FSCN2: variants seen among roughly 807,000 people sequenced by gnomAD.
FSCN2 encodes the protein fascin actin-bundling protein 2, retinal.
A neutral mutation model predicts 37.8 loss-of-function variants in FSCN2; 46 were observed. The ratio of observed to expected loss-of-function variants is 1.22; its 90% CI spans 0.96 to 1.56. FSCN2 has a LOEUF of 1.56. Ranked by LOEUF, FSCN2 falls within the 40% of genes most tolerant of loss-of-function variation. FSCN2 has a pLI of 0.00. For synonymous variants in FSCN2, 351 were observed against 309.4 expected (o/e 1.13, Z -1.41); for missense variants, 844 against 730.4 (o/e 1.16, Z -1.79).
At chr17:81,515,905 C>T in the FSCN2 span, among the ~76,000 whole-genome samples, 3 of 152,386 alleles carry the variant, frequency 2.0e-5, no homozygotes, top group East Asian at 3.9e-4. Flanking sequence ...AGCGCAGTGG[C>T]GCGATCTTGG....
intron 1 of FSCN2, among the ~76,000 whole-genome samples, chr17:81,531,314 G>A (rs2032561466): frequency 8.2e-6 from 1 of 121,996 alleles, no homozygotes; most frequent in African/African-American, 3.4e-5. Context: ...TGGTGGTGGT[G>A]GTGATGATGG....
In FSCN2 at chr17:81,536,643, T is replaced by G; in HGVS notation, c.1127T>G (p.Leu376Arg). The G allele has an allele frequency of 6.2e-7, 1 of 1,610,526 alleles. No individual in the cohort carries two copies. The highest frequency in any genetic ancestry group is 8.5e-7 in the Non-Finnish European group (1 of 1,179,640). ...CCAGGCAAGGACGAAGAGTTCACCC[T>G]CAAGCTCATCAACCGGCCCATCCTG... ...DFVGKDEEFT[L>R]KLINRPILVL... Residue 376 changes from leucine (L) to arginine (R), a missense_variant, in exon 4 of 5, where the codon CTC becomes CGC. Leu to Arg is a moderately radical substitution (Grantham distance 102). Transcript: ENST00000417245.
intron 1 of FSCN2, among the ~76,000 whole-genome samples, chr17:81,532,861 A>C (rs1182540985): frequency 6.6e-6 from 1 of 152,072 alleles, no homozygotes; most frequent in Non-Finnish European, 1.5e-5. Context: ...ATCTGACCCT[A>C]TCATCCCTTT....
chr17:81,519,760 G>T, the FSCN2 span, among the ~76,000 whole-genome samples: 1 of 152,174 alleles, frequency 6.6e-6, no homozygotes, highest in Non-Finnish European at 1.5e-5. Flanking sequence ...TGGATGAGGG[G>T]GTGGCCCGGG....
upstream of FSCN2, among the ~76,000 whole-genome samples, chr17:81,528,040 C>T (rs1349184646): frequency 3.9e-5 from 6 of 152,008 alleles, no homozygotes; most frequent in South Asian, 6.2e-4. Context: ...TTCCACTGGA[C>T]GGCTTCTACA....
chr17:81,531,387 ATGG>A (rs2032576894), intron 1 of FSCN2, among the ~76,000 whole-genome samples: 2 of 26,362 alleles, frequency 7.6e-5, no homozygotes, highest in South Asian at 1.4e-3. Flanking sequence ...GATGGTGGTG[ATGG>A]TGATGATGGT....
chr17:81,531,708 A>G lies in FSCN2; in HGVS notation c.826+2351A>G, dbSNP rs1221024268. On this transcript the variant is annotated intron_variant, in intron 1 of 4. Coordinates refer to ENST00000417245, the MANE Select transcript of FSCN2 (RefSeq NM_012418.4). ...GGTGATGATGGTGATGGTGATGATG[A>G]TAGTGATGGTGGTGATGGTGATGGT... Among the ~76,000 whole-genome samples the G allele has an allele frequency of 8.6e-3, 508 of 59,152 alleles. 16 individuals are homozygous for G. Among genetic ancestry groups the G allele is most frequent in the African/African-American group, 0.045 (448 of 10,060 alleles). 38.8% of individuals were successfully genotyped at this position (59,152 alleles called of 152,430 possible).
chr17:81,519,872 CG>C, the FSCN2 span, among the ~76,000 whole-genome samples: 2 of 152,204 alleles, frequency 1.3e-5, no homozygotes, highest in Non-Finnish European at 2.9e-5. Context: ...GCCCTGGGTG[CG>C]GGGCGTTTTT....
the FSCN2 span, among the ~76,000 whole-genome samples, chr17:81,520,199 A>G: frequency 6.6e-6 from 1 of 151,914 alleles, no homozygotes; most frequent in East Asian, 1.9e-4. Context: ...GTGCCACACC[A>G]GGGCGGTCAC....
intron 1 of FSCN2, among the ~76,000 whole-genome samples, chr17:81,533,174 C>T (rs981816038): frequency 2.6e-5 from 4 of 152,268 alleles, no homozygotes; most frequent in Non-Finnish European, 2.9e-5. Flanking sequence ...CCTGGCTGGG[C>T]GGCCCCTAAC....
Position 81,528,797 on chromosome 17 carries a change from G to T in FSCN2, c.266G>T (p.Arg89Leu). ...GCAGAGCAGCCGGGCCGTGACTGCC[G>T]CTTCCTGGTCCTGCCGCAGCCAGAT... ...CEAEQPGRDC[R>L]FLVLPQPDGR... Residue 89 changes from arginine (R) to leucine (L), a missense_variant, in exon 1 of 5, where the codon CGC (arginine) becomes CTC (leucine). Transcript: ENST00000417245. 6.4e-7 allele frequency: 1 copy of T among 1,564,072 alleles called. No individual in the cohort carries two copies. Among genetic ancestry groups the T allele is most frequent in the Non-Finnish European group, 8.6e-7 (1 of 1,156,566 alleles).
At position 81,536,858 on chromosome 17, in the gene FSCN2, GCCGTC is replaced by G. The variant is rs1568083886; in HGVS notation, c.1274-9_1274-5del. 1 of 1,557,742 alleles carries G rather than the reference GCCGTC, an allele frequency of 6.4e-7. No individual in the cohort carries two copies. The highest frequency in any genetic ancestry group is 1.2e-5 in the South Asian group (1 of 85,148). Reference sequence around the variant, plus strand: ...CGGGCAGGTGGGCACCCCCGCCGACGCCGTCCCGTCCCCCAGGCCGCGACGGAGGG... The same window carrying G: ...CGGGCAGGTGGGCACCCCCGCCGACGCCGTCCCCCAGGCCGCGACGGAGGG... On this transcript the variant is annotated splice_polypyrimidine_tract_variant and intron_variant, in intron 4 of 4. Transcript: ENST00000417245.
the FSCN2 span, among the ~76,000 whole-genome samples, chr17:81,520,021 A>G: frequency 2.0e-5 from 3 of 152,166 alleles, no homozygotes; most frequent in Admixed American, 2.0e-4. Context: ...GGACTCAGAG[A>G]TCTCACTACA....
At chr17:81,532,005 ATGGTAG>A (rs2032660386) in intron 1 of FSCN2, among the ~76,000 whole-genome samples, 1 of 115,790 alleles carries the variant, frequency 8.6e-6, no homozygotes, top group African/African-American at 3.4e-5. Flanking sequence ...GGTGGTGGTG[ATGGTAG>A]TGGTGGTGAT....
chr17:81,535,142 A>T lies in FSCN2; in HGVS notation c.917A>T (p.Tyr306Phe). The T allele has an allele frequency of 6.5e-7, 1 of 1,534,156 alleles. No individual in the cohort carries two copies. Among genetic ancestry groups the T allele is most frequent in the South Asian group, 1.2e-5 (1 of 83,850 alleles). ...CAGGAGACAAAGAAGTGCACCTTCT[A>T]TTCCAGCACTGGGGGCTACTGGACC... Reference protein sequence around the residue: ...IDQETKKCTFYSSTGGYWTLV... With the variant: ...IDQETKKCTFFSSTGGYWTLV... Residue 306 changes from tyrosine to phenylalanine, a missense_variant, in exon 2 of 5, where the codon TAT becomes TTT. Coordinates refer to ENST00000417245, the MANE Select transcript of FSCN2 (RefSeq NM_012418.4).
At chr17:81,531,066 C>T (rs1047798789) in intron 1 of FSCN2, among the ~76,000 whole-genome samples, 1 of 152,210 alleles carries the variant, frequency 6.6e-6, no homozygotes, top group East Asian at 1.9e-4. Flanking sequence ...TGGCCGTGGC[C>T]GTGGCATTGT....
At chr17:81,535,956 A>G (rs2032863675) in intron 2 of FSCN2, among the ~76,000 whole-genome samples, 190 bp from the exon 3 acceptor site, 1 of 149,534 alleles carries the variant, frequency 6.7e-6, no homozygotes, top group Admixed American at 6.7e-5. Context: ...TGCCTCGGCC[A>G]TGAGGATTGC....
At position 81,533,491 on chromosome 17, in the gene FSCN2, CT is replaced by C. The variant is rs2032762133; in HGVS notation, c.827-1560del. Reference sequence around the variant, plus strand: ...CTCCTGGGTCAGCTCTGACCTCAGCCTGACGCCCTCACGGTAGTAATGTGGC... The same window carrying C: ...CTCCTGGGTCAGCTCTGACCTCAGCCGACGCCCTCACGGTAGTAATGTGGC... On this transcript the variant is annotated intron_variant, in intron 1 of 4. Coordinates refer to ENST00000417245, the MANE Select transcript of FSCN2 (RefSeq NM_012418.4). Among the ~76,000 whole-genome samples, 3 of 152,268 alleles carry C rather than the reference CT, an allele frequency of 2.0e-5. 1 individual carries two copies. The South Asian group carries it at 6.2e-4, about 31-fold the overall frequency.
rs764596024 is a variant in FSCN2 at position 81,537,062 on chromosome 17, C to T, written c.1461C>T (p.Thr487=). Residue 487 remains threonine (T), a synonymous_variant, in exon 5 of 5, where the codon ACC becomes ACT. Coordinates refer to ENST00000417245, the MANE Select transcript of FSCN2 (RefSeq NM_012418.4). ...CCGATGCCGACGCCCCGGCCGGGAC[C>T]GCGCTTTGGGAGTACTGAGGCCGCG... ...LRADADAPAG[T]ALWEY 5 of 1,461,792 alleles carry T rather than the reference C, an allele frequency of 3.4e-6. No individual in the cohort carries two copies. Among genetic ancestry groups the T allele is most frequent in the South Asian group, 1.3e-5 (1 of 74,308 alleles). The allele number at this position is 1,461,792 out of a possible 1,614,324, so 90.6% of individuals were successfully genotyped here.
Sources: gnomAD v4.1 joint callset for allele counts (sites outside exome capture counted in the v4.1 genomes callset) on GRCh38, gnomAD v4.1.1 for gene constraint, MANE v1.5 for transcripts, NCBI Gene and HGNC (gene_info 2026-07-23, HGNC 2026-07-21) for gene names.